PRR14L: variants seen among roughly 807,000 people sequenced by gnomAD.
PRR14L encodes protein PRR14L.
A neutral mutation model predicts 155.0 loss-of-function variants in PRR14L; 80 were observed. The ratio of observed to expected loss-of-function variants is 0.52; its 90% confidence interval spans 0.43 to 0.62. The LOEUF (loss-of-function observed/expected upper bound fraction) is 0.62, where lower values mean the gene tolerates loss of function less well. Among genes scored for constraint, PRR14L ranks in the 20% least tolerant of loss-of-function variants. The pLI is 0.00. For missense variants in PRR14L, 2,469 were observed against 2,548.0 expected (o/e 0.97, Z 0.67); for synonymous variants, 883 against 916.0 (o/e 0.96, Z 0.65).
Position 31,715,688 on chromosome 22 carries a change from A to G in PRR14L, c.2151T>C (p.Ser717=), listed in dbSNP as rs937507426. The G allele has an allele frequency of 6.4e-7, 1 of 1,552,174 alleles. No individual in the cohort carries two copies. Among genetic ancestry groups the G allele is most frequent in the Admixed American group, 2.0e-5 (1 of 50,976 alleles). The change falls in exon 4 of 9, where the codon TCT becomes TCC. Residue 717 remains serine, a synonymous_variant. Transcript: ENST00000327423. ...IPIQTKIKDI[S]PPGNQTCGAS... is the part of the protein sequence containing the mutation. ...CACCACAGGTTTGGTTACCTGGTGGAGAGATGTCTTTTATTTTTGTCTGAA... is the reference window on the plus strand; with the variant it reads ...CACCACAGGTTTGGTTACCTGGTGGGGAGATGTCTTTTATTTTTGTCTGAA...
intron 2 of PRR14L, among the ~76,000 whole-genome samples, chr22:31,736,218 C>CAA (rs1212304644): frequency 0.11 from 8,921 of 84,694 alleles, 420 homozygotes; most frequent in Admixed American, 0.17. Context: ...GACTCCATCT[C>CAA]AAAAAAAAAA....
intron 2 of PRR14L, among the ~76,000 whole-genome samples, chr22:31,737,550 A>G (rs555925306): frequency 1.5e-4 from 23 of 152,038 alleles, no homozygotes; most frequent in African/African-American, 5.3e-4. Context: ...CACTTTCAGA[A>G]GCCGAGGTGG....
At chr22:31,688,600 T>C (rs1284166572) in intron 7 of PRR14L, among the ~76,000 whole-genome samples, 1 of 152,152 alleles carries the variant, frequency 6.6e-6, no homozygotes, top group Admixed American at 6.6e-5. Flanking sequence ...GTACCAACCT[T>C]CAACTTTATG....
intron 8 of PRR14L, among the ~76,000 whole-genome samples, chr22:31,687,099 G>A (rs556219313): frequency 3.3e-5 from 5 of 152,130 alleles, no homozygotes; most frequent in East Asian, 1.9e-4. Context: ...GTGCAATGGC[G>A]CGATCTCGGC....
At chr22:31,703,755 G>GGGA in intron 5 of PRR14L, 34 bp from the exon 6 acceptor site, 1 of 1,364,662 alleles carries the variant, frequency 7.3e-7, no homozygotes, top group Non-Finnish European at 9.8e-7. Flanking sequence ...ATATGAGAGG[G>GGGA]GTTCCCTTTC....
chr22:31,748,811 C>T (rs1018256357), intron 1 of PRR14L, among the ~76,000 whole-genome samples: 3 of 152,168 alleles, frequency 2.0e-5, no homozygotes, highest in Non-Finnish European at 2.9e-5. Flanking sequence ...AGAGCACAGA[C>T]CTGTTTCCAA....
chr22:31,692,552 T>TA (rs1231805245), intron 7 of PRR14L, among the ~76,000 whole-genome samples: 1 of 152,240 alleles, frequency 6.6e-6, no homozygotes, highest in Non-Finnish European at 1.5e-5. Context: ...AAGAGTTCTT[T>TA]ATAGCTTGTG....
At chr22:31,733,390 C>CGCCTTCCACCTTCT (rs568593112) in intron 2 of PRR14L, among the ~76,000 whole-genome samples, 59 of 149,122 alleles carry the variant, frequency 4.0e-4, no homozygotes, top group African/African-American at 1.3e-3. Flanking sequence ...CTGCAACCTC[C>CGCCTTCCACCTTCT]GCCTTTGGGG....
chr22:31,701,562 G>T, intron 7 of PRR14L, 94 bp downstream of exon 7: 1 of 645,452 alleles, frequency 1.5e-6, no homozygotes, highest in South Asian at 2.2e-5. Flanking sequence ...TGTAATAAAT[G>T]GCTCAGAGTG....
At chr22:31,724,263 G>A (rs575546025) in intron 3 of PRR14L, among the ~76,000 whole-genome samples, 2 of 152,316 alleles carry the variant, frequency 1.3e-5, no homozygotes, top group South Asian at 2.1e-4. Flanking sequence ...TAGAAACGAA[G>A]TGCACAATAA....
rs1453481833 is a variant in PRR14L, at chr22:31,684,593, G to A, written c.*934C>T. The A allele has an allele frequency of 2.6e-5, 4 of 152,042 alleles. No homozygotes were observed. The highest frequency in any genetic ancestry group is 5.9e-5 in the Non-Finnish European group (4 of 68,008). 9.4% of individuals were successfully genotyped at this position (152,042 alleles called of 1,614,324 possible). A position where few individuals can be genotyped will look rare whatever the true frequency, so the allele number is the denominator to read the frequency against. On this transcript the variant is annotated 3_prime_UTR_variant, in exon 9 of 9. Coordinates refer to ENST00000327423, the MANE Select transcript of PRR14L (RefSeq NM_173566.3). The stretch of plus-strand genomic sequence containing the variant: ...TTTGGTGGGCAAGAATGAGAACCCA[G>A]ATGAAAAAAAGTGCTCCCTCTAATG...
At chr22:31,696,515 C>T (rs1401831704) in intron 7 of PRR14L, among the ~76,000 whole-genome samples, 3 of 152,148 alleles carry the variant, frequency 2.0e-5, no homozygotes, top group Non-Finnish European at 4.4e-5. Flanking sequence ...TCAAGTGATC[C>T]TCCCACCTTG....
Position 31,714,009 on chromosome 22 carries a change from C to T in PRR14L, c.3830G>A (p.Cys1277Tyr), listed in dbSNP as rs1224259682. 4 of 1,551,214 alleles carry T rather than the reference C, an allele frequency of 2.6e-6. No individual in the cohort carries two copies. The highest frequency in any genetic ancestry group is 2.0e-5 in the Admixed American group (1 of 50,926). ...TTCCTTCATCTCAGGAAGGACTGTG[C>T]AGTCCTTTACATTTTCACAAAGCAT... Reference protein sequence around the residue: ...GEMLCENVKDCTVLPEMKEIV... With the variant: ...GEMLCENVKDYTVLPEMKEIV... The change falls in exon 4 of 9, where the codon TGC becomes TAC. Residue 1277 changes from cysteine to tyrosine, a missense_variant. By Grantham distance (194) the Cys-to-Tyr change is radical (BLOSUM62 -2). Transcript: ENST00000327423.
Position 31,715,505 on chromosome 22 carries a change from G to A in PRR14L, c.2334C>T (p.His778=), listed in dbSNP as rs1266572722. 2.6e-6 allele frequency: 4 copies of A among 1,552,136 alleles called. No individual in the cohort carries two copies. Among genetic ancestry groups the A allele is most frequent in the Non-Finnish European group, 2.6e-6 (3 of 1,147,072 alleles). Reference sequence around the variant, plus strand: ...TAGAGATATCCTGAGATTGAACGCTGTGACATTCTATGACAGAGACCACTT... The same window carrying A: ...TAGAGATATCCTGAGATTGAACGCTATGACATTCTATGACAGAGACCACTT... ...FPQVVSVIEC[H]SVQSQDISSC... The change falls in exon 4 of 9, where the codon CAC becomes CAT. Residue 778 remains histidine (H), a synonymous_variant. Transcript: ENST00000327423.
At chr22:31,717,883 C>A (rs1345714867) in intron 3 of PRR14L, among the ~76,000 whole-genome samples, 1 of 151,858 alleles carries the variant, frequency 6.6e-6, no homozygotes. Context: ...CCTCAGCCTC[C>A]TGAGTAGCTG....
Position 31,715,064 on chromosome 22 carries a change from A to G in PRR14L, c.2775T>C (p.Ala925=). 1 of 1,551,710 alleles carries G rather than the reference A, an allele frequency of 6.4e-7. No homozygotes were observed. Reference sequence around the variant, plus strand: ...TTACAGTCTGGTTTAGTTCTTGTATAGCATGATCAGAGATGTTATACTTAC... The same window carrying G: ...TTACAGTCTGGTTTAGTTCTTGTATGGCATGATCAGAGATGTTATACTTAC... ...VFCKYNISDH[A]IQELNQTVNI... The change falls in exon 4 of 9, where the codon GCT becomes GCC. Residue 925 remains alanine (A), a synonymous_variant. Transcript: ENST00000327423.
chr22:31,725,417 T>C, intron 3 of PRR14L, 121 bp downstream of exon 3: 1 of 678,166 alleles, frequency 1.5e-6, no homozygotes, highest in Non-Finnish European at 2.6e-6. Flanking sequence ...GTTTCTATAG[T>C]TAAGTACACC....
In PRR14L at chr22:31,715,929, C is replaced by G. The variant is rs570051726; in HGVS notation, c.1910G>C (p.Cys637Ser). 2.3e-4 allele frequency: 350 copies of G among 1,551,574 alleles called. No individual in the cohort carries two copies. Among genetic ancestry groups the G allele is most frequent in the Non-Finnish European group, 2.8e-4 (326 of 1,146,920 alleles). ...SIACEMNELS[C>S]TNELVVNKVE... Reference sequence around the variant, plus strand: ...TTTGTTTACAACCAGTTCATTGGTACAAGAAAGTTCATTCATCTCACAGGC... The same window carrying G: ...TTTGTTTACAACCAGTTCATTGGTAGAAGAAAGTTCATTCATCTCACAGGC... Residue 637 changes from cysteine (C) to serine (S), a missense_variant, in exon 4 of 9, where the codon TGT becomes TCT. Physicochemically the swap from Cys to Ser is moderately radical, Grantham distance 112 (BLOSUM62 -1). Transcript: ENST00000327423.
Position 31,685,626 on chromosome 22 carries a change from C to T in PRR14L, c.6357G>A (p.Val2119=). ...GSFTRAQKAA[V]QSRELDALLI... is the part of the protein sequence containing the mutation. ...AAAGAGCATCCAGCTCTCGACTCTG[C>T]ACAGCTGCCTTCTGGGCCCTGGTAA... Residue 2119 remains valine (V), a synonymous_variant, in exon 9 of 9, where the codon GTG becomes GTA. Coordinates refer to ENST00000327423, the MANE Select transcript of PRR14L (RefSeq NM_173566.3). The T allele has an allele frequency of 6.4e-7, 1 of 1,551,932 alleles. No individual in the cohort carries two copies. Among genetic ancestry groups the T allele is most frequent in the Non-Finnish European group, 8.7e-7 (1 of 1,147,024 alleles).
Sources: allele counts gnomAD v4.1 joint callset (sites outside exome capture counted in the v4.1 genomes callset), GRCh38; gene constraint gnomAD v4.1.1; transcripts MANE v1.5; gene names NCBI Gene and HGNC (gene_info 2026-07-23, HGNC 2026-07-21).